Variants in ELMO1 observed in about 807,000 individuals in gnomAD.
ELMO1 encodes engulfment and cell motility protein 1.
ELMO1 carries 26 observed loss-of-function variants against 98.9 expected under a neutral mutation model. That is an observed-to-expected ratio of 0.26 (90% CI 0.19 to 0.36). The LOEUF is 0.36. ELMO1 is among the 10% of genes least tolerant of loss of function. The pLI is 1.00. For synonymous variants in ELMO1, 346 were observed against 346.0 expected, an observed-to-expected ratio of 1.00 and a Z score of 0.00; for missense variants, 627 against 935.2, an observed-to-expected ratio of 0.67 and a Z score of 4.30.
intron 10 of ELMO1, among the ~76,000 whole-genome samples, chr7:37,216,984 G>C (rs1394645613): frequency 6.6e-6 from 1 of 152,132 alleles, no homozygotes; most frequent in African/African-American, 2.4e-5. Context: ...ATAAAAATCA[G>C]GCACTCCAAA....
At chr7:37,069,122 G>A (rs1286507403) in intron 15 of ELMO1, among the ~76,000 whole-genome samples, 1 of 151,984 alleles carries the variant, frequency 6.6e-6, no homozygotes, top group African/African-American at 2.4e-5. Context: ...CCAGTGGTGG[G>A]AACAGCTCCA....
intron 1 of ELMO1, among the ~76,000 whole-genome samples, chr7:37,345,503 A>C (rs1800954780): frequency 6.6e-6 from 1 of 152,144 alleles, no homozygotes; most frequent in Non-Finnish European, 1.5e-5. Context: ...TGAGGCCAGG[A>C]GTTCAAGACC....
chr7:37,340,004 T>G (rs1332041994), intron 2 of ELMO1, among the ~76,000 whole-genome samples: 1 of 152,086 alleles, frequency 6.6e-6, no homozygotes, highest in African/African-American at 2.4e-5. Context: ...TACAAAAATG[T>G]CAAGGTCACA....
At chr7:37,315,742 G>T (rs1799119813) in intron 3 of ELMO1, among the ~76,000 whole-genome samples, 178 bp downstream of exon 3, 1 of 152,166 alleles carries the variant, frequency 6.6e-6, no homozygotes, top group Non-Finnish European at 1.5e-5. Context: ...GCTCTTTGAG[G>T]ACTAATGGTG....
chr7:37,445,918 T>C (rs1200227568), intron 1 of ELMO1, among the ~76,000 whole-genome samples: 1 of 152,116 alleles, frequency 6.6e-6, no homozygotes, highest in Non-Finnish European at 1.5e-5. Flanking sequence ...AGGAGAGTGA[T>C]GAAACACCAG....
intron 14 of ELMO1, among the ~76,000 whole-genome samples, chr7:37,130,757 TTGTGTGTGTG>T (rs10649292): frequency 6.6e-6 from 1 of 150,670 alleles, no homozygotes; most frequent in East Asian, 1.9e-4. Context: ...ATACATGTGT[TTGTGTGTGTG>T]TGTGTGTGTT....
chr7:37,232,004 C>T (rs1035482580), intron 8 of ELMO1, among the ~76,000 whole-genome samples: 2 of 152,110 alleles, frequency 1.3e-5, no homozygotes, highest in African/African-American at 4.8e-5. Context: ...AGGCTCCCAC[C>T]ACTGCGCCCG....
rs186674949 is a variant in ELMO1 at position 37,008,119 on chromosome 7, G to A, written c.1437+5180C>T. 4.1e-3 allele frequency among the ~76,000 whole-genome samples: 620 copies of A among 152,286 alleles called. 3 individuals carry two copies. Among genetic ancestry groups the A allele is most frequent in the Non-Finnish European group, 6.9e-3 (468 of 68,020 alleles). On this transcript the variant is annotated intron_variant, in intron 16 of 21. Transcript: ENST00000310758. ...TCCATTTTGGTAATCTGAAAGTATG[G>A]CACAATCATCTGATCTTGGCTTATA... is the stretch of plus-strand genomic sequence containing the variant.
intron 6 of ELMO1, among the ~76,000 whole-genome samples, chr7:37,255,855 C>T (rs541522906): frequency 1.3e-5 from 2 of 150,990 alleles, no homozygotes; most frequent in Admixed American, 6.7e-5. Context: ...TTAGTGTTGC[C>T]GAGGCAGCCT....
intron 4 of ELMO1, among the ~76,000 whole-genome samples, chr7:37,301,187 G>T (rs571274211): frequency 9.2e-5 from 14 of 152,140 alleles, no homozygotes; most frequent in African/African-American, 2.9e-4. Context: ...TAAAGGAGAT[G>T]GTAGTGAGGA....
intron 14 of ELMO1, among the ~76,000 whole-genome samples, chr7:37,131,582 C>T (rs947998143): frequency 7.9e-5 from 12 of 152,168 alleles, no homozygotes; most frequent in Admixed American, 2.6e-4. Context: ...CTACTTTTCA[C>T]GCTCAACTCT....
In ELMO1 at chr7:37,008,307, G is replaced by A. The variant is rs144289382; in HGVS notation, c.1437+4992C>T. ...TAAATATGTGAAAATCATGGGACCTGCTGTTTTTTAGGTTGCTACCGTGTG... is the reference window on the plus strand; with the variant it reads ...TAAATATGTGAAAATCATGGGACCTACTGTTTTTTAGGTTGCTACCGTGTG... On this transcript the variant is annotated intron_variant, in intron 16 of 21. Transcript: ENST00000310758. 8.6e-3 allele frequency among the ~76,000 whole-genome samples: 1,307 copies of A among 152,336 alleles called. 12 individuals carry two copies. The highest frequency in any genetic ancestry group is 0.014 in the Non-Finnish European group (962 of 68,020).
At chr7:37,142,906 G>A (rs774454684) in intron 13 of ELMO1, among the ~76,000 whole-genome samples, 1 of 152,090 alleles carries the variant, frequency 6.6e-6, no homozygotes, top group Non-Finnish European at 1.5e-5. Context: ...AGATCCCATG[G>A]CTCAAGAGTT....
chr7:37,108,631 C>A (rs1239065846), intron 14 of ELMO1, among the ~76,000 whole-genome samples: 3 of 152,188 alleles, frequency 2.0e-5, no homozygotes, highest in African/African-American at 7.2e-5. Context: ...CCATTTTATG[C>A]CCCCAAATTA....
At chr7:37,122,719 A>T (rs1175093379) in intron 14 of ELMO1, among the ~76,000 whole-genome samples, 1 of 152,200 alleles carries the variant, frequency 6.6e-6, no homozygotes, top group Non-Finnish European at 1.5e-5. Context: ...AACATTAGAC[A>T]GATCAATGAG....
chr7:37,028,742 C>T (rs1240852247), intron 15 of ELMO1, among the ~76,000 whole-genome samples: 1 of 152,136 alleles, frequency 6.6e-6, no homozygotes. Flanking sequence ...GCCACTACAC[C>T]TAGCCGATTC....
chr7:37,411,834 T>C (rs927869886), intron 1 of ELMO1, among the ~76,000 whole-genome samples: 2 of 152,216 alleles, frequency 1.3e-5, no homozygotes, highest in East Asian at 3.8e-4. Flanking sequence ...AGGAACGTCA[T>C]GTCAGATCAC....
At chr7:37,182,528 T>C (rs1256414227) in intron 13 of ELMO1, among the ~76,000 whole-genome samples, 2 of 137,888 alleles carry the variant, frequency 1.5e-5, no homozygotes, top group Non-Finnish European at 3.0e-5. Flanking sequence ...TGGAGTGCAA[T>C]GGCACGATCG....
At chr7:37,275,328 C>T (rs1012681490) in intron 4 of ELMO1, among the ~76,000 whole-genome samples, 5 of 152,198 alleles carry the variant, frequency 3.3e-5, no homozygotes, top group Admixed American at 6.5e-5. Flanking sequence ...CCTCTAGGCT[C>T]CCTCAGGCAC....
Sources: allele counts gnomAD v4.1 joint callset (sites outside exome capture counted in the v4.1 genomes callset), GRCh38; gene constraint gnomAD v4.1.1; transcripts MANE v1.5; gene names NCBI Gene and HGNC (gene_info 2026-07-23, HGNC 2026-07-21).